Variants in FMN1 observed in about 807,000 individuals in gnomAD.
The protein encoded by FMN1 is formin-1.
FMN1 carries 110 observed loss-of-function variants against 132.4 expected under a neutral mutation model. The ratio of observed to expected loss-of-function variants is 0.83; its 90% CI spans 0.71 to 0.97. The LOEUF (loss-of-function observed/expected upper bound fraction) is 0.97. Among genes scored for constraint, FMN1 ranks in the 50% least tolerant of loss-of-function variants. The pLI is 0.00. For missense variants in FMN1, 1,792 were observed against 1,705.3 expected (o/e 1.05, Z -0.90); for synonymous variants, 722 against 651.7 (o/e 1.11, Z -1.64).
intron 15 of FMN1, among the ~76,000 whole-genome samples, chr15:32,893,238 G>A (rs2060075123): frequency 6.6e-6 from 1 of 152,190 alleles, no homozygotes; most frequent in Non-Finnish European, 1.5e-5. Context: ...ACTCTCATCT[G>A]AGTGCCAAGA....
chr15:32,907,748 GAGGCCCTCTGAACCTGTGTCAGAGGACAC>G (rs67933750), intron 12 of FMN1, among the ~76,000 whole-genome samples: 38,411 of 151,812 alleles, frequency 0.25, 5,309 homozygotes, highest in Non-Finnish European at 0.32. Flanking sequence ...ACAGGCAAAA[GAGGCCCTCTGAACCTGTGTCAGAGGACAC>G]AGGTCCTCTG....
chr15:32,866,868 A>G (rs1420435620), intron 16 of FMN1, among the ~76,000 whole-genome samples: 1 of 152,112 alleles, frequency 6.6e-6, no homozygotes, highest in Non-Finnish European at 1.5e-5. Flanking sequence ...TGTGTTCCCC[A>G]TTGTGGGCTT....
chr15:33,141,125 C>T (rs992372380), intron 4 of FMN1, among the ~76,000 whole-genome samples: 2 of 152,100 alleles, frequency 1.3e-5, no homozygotes, highest in African/African-American at 4.8e-5. Context: ...TAAATGATAT[C>T]ATCTGTCATA....
intron 6 of FMN1, among the ~76,000 whole-genome samples, chr15:33,045,135 T>C (rs2036618387): frequency 6.6e-6 from 1 of 152,224 alleles, no homozygotes; most frequent in African/African-American, 2.4e-5. Context: ...CATTCCCTGA[T>C]GCCAGCCGTG....
chr15:33,071,377 C>G (rs544668460), intron 5 of FMN1, among the ~76,000 whole-genome samples: 13 of 152,304 alleles, frequency 8.5e-5, no homozygotes, highest in Admixed American at 2.6e-4. Context: ...CAGTTTGCCC[C>G]TACCATTCTC....
chr15:32,820,911 T>C (rs2058195225), intron 17 of FMN1, among the ~76,000 whole-genome samples: 1 of 152,092 alleles, frequency 6.6e-6, no homozygotes, highest in African/African-American at 2.4e-5. Flanking sequence ...ATAAATACTC[T>C]TCATGTCTTT....
chr15:32,891,833 G>C (rs145837093), intron 15 of FMN1, among the ~76,000 whole-genome samples: 1,611 of 152,228 alleles, frequency 0.011, 18 homozygotes, highest in African/African-American at 0.037. Context: ...AAAAGAGGTT[G>C]AGTTCTTGAT....
chr15:33,110,467 T>C (rs566817735), intron 4 of FMN1, among the ~76,000 whole-genome samples: 46 of 152,152 alleles, frequency 3.0e-4, no homozygotes, highest in South Asian at 2.7e-3. Flanking sequence ...AAGGTTTTTT[T>C]CGTATCCTTA....
chr15:32,845,017 C>T (rs2058825626), intron 17 of FMN1, among the ~76,000 whole-genome samples: 1 of 152,238 alleles, frequency 6.6e-6, no homozygotes, highest in Middle Eastern at 3.2e-3. Flanking sequence ...CAGAATTGGA[C>T]ATTGTCTGCG....
chr15:33,088,894 AC>A lies in FMN1; in HGVS notation c.1947del (p.Trp650GlyfsTer37), dbSNP rs755019332. 2.0e-6 allele frequency: 3 copies of A among 1,535,820 alleles called. No individual in the cohort carries two copies. In the South Asian group the frequency reaches 3.6e-5, roughly 18 times the overall value. On this transcript the variant is annotated frameshift_variant, in exon 5 of 21. Transcript: ENST00000616417. LOFTEE classifies it high-confidence loss of function. ...PKDLPNRDGG[A>X]WVLGYRAGPA... ...GGTCCCGCTCTGTAGCCCAGAACCC[AC>A]GCGCCTCCATCTCTGTTGGGAAGGT...
chr15:33,012,941 T>C (rs540414864), intron 6 of FMN1: 49 of 496,304 alleles, frequency 9.9e-5, no homozygotes, highest in African/African-American at 9.3e-4. Context: ...TTTTGATCCA[T>C]GAAGGGAAAA....
chr15:32,856,083 A>G (rs2059125348), intron 17 of FMN1, among the ~76,000 whole-genome samples: 1 of 152,170 alleles, frequency 6.6e-6, no homozygotes, highest in Non-Finnish European at 1.5e-5. Context: ...AGTTCCTCTG[A>G]CTCATAGACT....
chr15:32,950,060 T>C lies in FMN1; in HGVS notation c.3138+14047A>G, dbSNP rs1411996604. Reference sequence around the variant, plus strand: ...ACATATATATATATATACACATATATATATATATATATATATATATTAAAA... The same window carrying C: ...ACATATATATATATATACACATATACATATATATATATATATATATTAAAA... On this transcript the variant is annotated intron_variant, in intron 9 of 20. Coordinates refer to ENST00000616417, the MANE Select transcript of FMN1 (RefSeq NM_001277313.2). Among the ~76,000 whole-genome samples, 11 of 80,644 alleles carry C rather than the reference T, an allele frequency of 1.4e-4. 1 individual carries two copies. The highest frequency in any genetic ancestry group is 5.0e-4 in the South Asian group (1 of 1,994). The allele number at this position is 80,644 out of a possible 152,430, so 52.9% of individuals were successfully genotyped here.
At chr15:33,111,832 G>A (rs768711257) in intron 4 of FMN1, among the ~76,000 whole-genome samples, 13 of 152,212 alleles carry the variant, frequency 8.5e-5, no homozygotes, top group Non-Finnish European at 1.8e-4. Flanking sequence ...TGGGGGTTTT[G>A]GGGGAGGTGA....
intron 7 of FMN1, among the ~76,000 whole-genome samples, chr15:33,000,662 G>T (rs1380275569): frequency 6.6e-6 from 1 of 152,034 alleles, no homozygotes; most frequent in Non-Finnish European, 1.5e-5. Flanking sequence ...CCAGAACTCA[G>T]GAAGTGGATT....
At chr15:32,874,093 C>T (rs1247135177) in intron 16 of FMN1, among the ~76,000 whole-genome samples, 12 of 146,366 alleles carry the variant, frequency 8.2e-5, no homozygotes, top group Non-Finnish European at 1.6e-4. Context: ...GCGATCTCGG[C>T]TCACTGTGAC....
intron 4 of FMN1, among the ~76,000 whole-genome samples, chr15:33,144,975 C>T (rs373151405): frequency 5.1e-4 from 77 of 152,280 alleles, no homozygotes; most frequent in African/African-American, 1.7e-3. Flanking sequence ...TCTCAAAAAA[C>T]CGCTATGAAA....
intron 5 of FMN1, among the ~76,000 whole-genome samples, chr15:33,070,134 T>C (rs1043302048): frequency 1.2e-4 from 18 of 150,746 alleles, no homozygotes; most frequent in African/African-American, 4.1e-4. Context: ...GCCTCCTGAG[T>C]AGCTGGAATT....
At chr15:32,952,525 T>C (rs192780875) in intron 9 of FMN1, among the ~76,000 whole-genome samples, 1 of 152,318 alleles carries the variant, frequency 6.6e-6, no homozygotes, top group African/African-American at 2.4e-5. Flanking sequence ...CCAAAATCTT[T>C]AGAGTCAATA....
Sources: gnomAD v4.1 joint callset for allele counts (sites outside exome capture counted in the v4.1 genomes callset) on GRCh38, gnomAD v4.1.1 for gene constraint, MANE v1.5 for transcripts, NCBI Gene and HGNC (gene_info 2026-07-23, HGNC 2026-07-21) for gene names.